The following FAM163A variants were observed in gnomAD, a reference collection of about 807,000 sequenced individuals.
FAM163A encodes the protein protein FAM163A.
Under a neutral mutation model 12.0 loss-of-function variants are expected in FAM163A, and 7 were observed. The observed-to-expected ratio is 0.58, with a 90% CI of 0.33 to 1.10. The LOEUF (loss-of-function observed/expected upper bound fraction) is 1.10, where lower values mean the gene tolerates loss of function less well. Ranked by LOEUF, FAM163A falls within the 50% of genes least tolerant of loss-of-function variation. The probability of loss-of-function intolerance (pLI) is 0.03; values close to 1 mark genes in which losing one functional copy is unlikely to be tolerated. For synonymous variants in FAM163A, 101 were observed against 91.0 expected, an observed-to-expected ratio of 1.11 and a Z score of -0.62; for missense variants, 202 against 218.6, an observed-to-expected ratio of 0.92 and a Z score of 0.48.
chr1:179,808,548 C>A (rs762376222), intron 2 of FAM163A, among the ~76,000 whole-genome samples: 1 of 152,202 alleles, frequency 6.6e-6, no homozygotes, highest in Non-Finnish European at 1.5e-5. Flanking sequence ...CAGAGGCCAC[C>A]CTAGGTTTCT....
chr1:179,806,965 G>A (rs575850996), intron 1 of FAM163A, among the ~76,000 whole-genome samples: 8 of 152,222 alleles, frequency 5.3e-5, no homozygotes, highest in East Asian at 1.9e-4. Flanking sequence ...AGCTGGGCAC[G>A]GTGGCATGTG....
upstream of FAM163A, among the ~76,000 whole-genome samples, chr1:179,740,627 C>G (rs61828370): frequency 0.23 from 34,480 of 151,910 alleles, 4,654 homozygotes; most frequent in East Asian, 0.63. Flanking sequence ...TATATTGATA[C>G]GAAAGGATAC....
chr1:179,745,324 C>T (rs1442656946), intron 1 of FAM163A, among the ~76,000 whole-genome samples: 1 of 151,010 alleles, frequency 6.6e-6, no homozygotes, highest in African/African-American at 2.5e-5. Context: ...CCTGTTTGGC[C>T]CAAGAATCTC....
intron 2 of FAM163A, among the ~76,000 whole-genome samples, chr1:179,808,384 C>T (rs1249801810): frequency 6.6e-6 from 1 of 152,258 alleles, no homozygotes; most frequent in Non-Finnish European, 1.5e-5. Flanking sequence ...CCAGACATGG[C>T]TGGTTGACCC....
At chr1:179,772,460 A>G (rs1280793083) in intron 1 of FAM163A, among the ~76,000 whole-genome samples, 1 of 152,222 alleles carries the variant, frequency 6.6e-6, no homozygotes, top group Admixed American at 6.5e-5. Context: ...CAGCAGCATC[A>G]GCATCACTGG....
chr1:179,792,879 AATATATAT>A (rs59009302), intron 1 of FAM163A, among the ~76,000 whole-genome samples: 1 of 149,008 alleles, frequency 6.7e-6, no homozygotes, highest in South Asian at 2.1e-4. Context: ...CAGATAATAA[AATATATAT>A]ATATATATAA....
intron 1 of FAM163A, among the ~76,000 whole-genome samples, chr1:179,795,851 T>G (rs1405456384): frequency 6.6e-6 from 1 of 152,162 alleles, no homozygotes; most frequent in African/African-American, 2.4e-5. Flanking sequence ...TCCCCAAGTT[T>G]GGCTTGGTTT....
chr1:179,733,864 A>G, the FAM163A span, among the ~76,000 whole-genome samples: 1 of 152,146 alleles, frequency 6.6e-6, no homozygotes, highest in African/African-American at 2.4e-5. Context: ...TCTTCTCCCC[A>G]TATCCCTGTA....
At chr1:179,788,512 G>C (rs1690966852) in intron 1 of FAM163A, among the ~76,000 whole-genome samples, 1 of 152,128 alleles carries the variant, frequency 6.6e-6, no homozygotes, top group Admixed American at 6.5e-5. Flanking sequence ...ATCACTAATG[G>C]GCTGAGTCCA....
intron 1 of FAM163A, among the ~76,000 whole-genome samples, chr1:179,762,857 A>G (rs1055720472): frequency 2.0e-5 from 3 of 152,224 alleles, no homozygotes; most frequent in Non-Finnish European, 4.4e-5. Flanking sequence ...GATGGTCCTT[A>G]TCTTCCAGGA....
intron 1 of FAM163A, among the ~76,000 whole-genome samples, chr1:179,752,277 C>T (rs866735974): frequency 2.0e-5 from 3 of 152,098 alleles, no homozygotes; most frequent in South Asian, 4.1e-4. Flanking sequence ...CCCAATCTTA[C>T]ATCATACACA....
chr1:179,737,734 C>T, the FAM163A span, among the ~76,000 whole-genome samples: 1 of 151,786 alleles, frequency 6.6e-6, no homozygotes, highest in Non-Finnish European at 1.5e-5. Context: ...ACTCGGGAGG[C>T]TGAGGCAGGA....
chr1:179,771,645 T>A (rs1353288589), intron 1 of FAM163A, among the ~76,000 whole-genome samples: 1 of 152,114 alleles, frequency 6.6e-6, no homozygotes, highest in African/African-American at 2.4e-5. Context: ...CCCATGAGCC[T>A]CATAGCTCAC....
intron 1 of FAM163A, among the ~76,000 whole-genome samples, chr1:179,782,035 T>C (rs1404516278): frequency 6.6e-6 from 1 of 151,920 alleles, no homozygotes; most frequent in East Asian, 1.9e-4. Context: ...CAGGGCCGGC[T>C]TGGGAGGCCA....
rs1213212970 is a variant in FAM163A, at chr1:179,783,755, A to G, written c.-135-24043A>G. On this transcript the variant is annotated intron_variant, in intron 1 of 4. Transcript: ENST00000341785. ...ATAATTGAGCCCAAATATTATATAT[A>G]TATTATATAATTTATTATATATATA... Among the ~76,000 whole-genome samples the G allele has an allele frequency of 1.7e-4, 25 of 145,082 alleles. 1 individual carries two copies. Among genetic ancestry groups the G allele is most frequent in the Non-Finnish European group, 1.5e-5 (1 of 66,564 alleles).
chr1:179,771,587 G>C (rs139327814), intron 1 of FAM163A, among the ~76,000 whole-genome samples: 1 of 151,400 alleles, frequency 6.6e-6, no homozygotes, highest in Non-Finnish European at 1.5e-5. Flanking sequence ...CTTTGCTTCC[G>C]TCTACACCTG....
rs1438646673 is a variant in FAM163A, at chr1:179,794,830, A to G, written c.-135-12968A>G. 3.3e-5 allele frequency among the ~76,000 whole-genome samples: 5 copies of G among 152,146 alleles called. No homozygotes were observed. The East Asian group carries it at 9.6e-4, about 29-fold the overall frequency. ...CATGAGGAAATGCTGAAGGGGAGGCATTTATGCAATCGTGTAACAGTGCAA... is the reference window on the plus strand; with the variant it reads ...CATGAGGAAATGCTGAAGGGGAGGCGTTTATGCAATCGTGTAACAGTGCAA... On this transcript the variant is annotated intron_variant, in intron 1 of 4. Transcript: ENST00000341785.
At chr1:179,732,151 A>C in the FAM163A span, among the ~76,000 whole-genome samples, 24 of 152,350 alleles carry the variant, frequency 1.6e-4, no homozygotes, top group Admixed American at 8.5e-4. Context: ...TCTTCGACTT[A>C]AGGTTTTACA....
At chr1:179,730,372 G>A in the FAM163A span, 1 of 152,284 alleles carries the variant, frequency 6.6e-6, no homozygotes. Flanking sequence ...TGATCATGGG[G>A]TGACAGATGT....
Sources: gnomAD v4.1 joint callset for allele counts (sites outside exome capture counted in the v4.1 genomes callset) on GRCh38, gnomAD v4.1.1 for gene constraint, MANE v1.5 for transcripts, NCBI Gene and HGNC (gene_info 2026-07-23, HGNC 2026-07-21) for gene names.